The following LMTK3 variants were observed in gnomAD, a reference collection of about 807,000 sequenced individuals.
LMTK3 encodes serine/threonine-protein kinase LMTK3.
LMTK3 carries 27 observed loss-of-function variants against 116.7 expected under a neutral mutation model. The observed-to-expected ratio is 0.23, with a 90% CI of 0.17 to 0.32. The LOEUF is 0.32. LMTK3 is among the 10% of genes least tolerant of loss of function. The probability of loss-of-function intolerance (pLI) is 1.00; values close to 1 mark genes in which losing one functional copy is unlikely to be tolerated. For missense variants in LMTK3, 1,764 were observed against 2,068.5 expected (o/e 0.85, Z 2.86); for synonymous variants, 965 against 971.0 (o/e 0.99, Z 0.11).
chr19:48,486,458 G>A (rs773404224), intron 14 of LMTK3, among the ~76,000 whole-genome samples: 5 of 152,044 alleles, frequency 3.3e-5, no homozygotes, highest in Non-Finnish European at 7.4e-5. Context: ...ACCCCTGCAC[G>A]CTCATCTTTC....
Position 48,498,373 on chromosome 19 carries a change from T to G in LMTK3, c.2696A>C (p.Lys899Thr), listed in dbSNP as rs1367127738. The change falls in exon 11 of 15, where the codon AAA (lysine) becomes ACA (threonine). Residue 899 changes from lysine (K) to threonine (T), a missense_variant. By Grantham distance (78) the Lys-to-Thr change is moderately conservative. Transcript: ENST00000600059. ...CGGGTCCCTGTTCAGGCCCGGGACT[T>G]TCTCTCTGTTCCCGGGGCCTCTCCC... is the stretch of plus-strand genomic sequence containing the variant. ...KAGRGPGNREKVPGLNRDPTV... is the reference protein window; with the variant it reads ...KAGRGPGNRETVPGLNRDPTV... 3 of 1,612,596 alleles carry G rather than the reference T, an allele frequency of 1.9e-6. No individual in the cohort carries two copies. The highest frequency in any genetic ancestry group is 1.7e-5 in the Admixed American group (1 of 59,960).
At position 48,498,914 on chromosome 19, in the gene LMTK3, C is replaced by T. The variant is rs1404107935; in HGVS notation, c.2155G>A (p.Asp719Asn). The change falls in exon 11 of 15, where the codon GAC becomes AAC. Residue 719 changes from aspartate (D) to asparagine (N), a missense_variant. Asp to Asn is a conservative substitution (Grantham distance 23). Around this residue, in one of 7 missense-constraint regions of LMTK3, gnomAD observed 1,028 missense variants for 1,050.6 expected, o/e 0.98. Coordinates refer to ENST00000600059, the MANE Select transcript of LMTK3 (RefSeq NM_001388485.1). ...GAGGCGGGGGGGGCCATGGGCAAGT[C>T]GGCCAGGGAGCCCCGCTCTGCCCGC... ...SLRAERGSLA[D>N]LPMAPPASAP... The T allele has an allele frequency of 1.6e-6, 2 of 1,275,328 alleles. No individual in the cohort carries two copies. The highest frequency in any genetic ancestry group is 1.6e-5 in the African/African-American group (1 of 62,890). 79.0% of individuals were successfully genotyped at this position (1,275,328 alleles called of 1,614,324 possible).
In LMTK3 at chr19:48,508,938, G is replaced by T. The variant is rs957776215; in HGVS notation, c.470C>A (p.Thr157Asn). The change falls in exon 5 of 15, where the codon ACC becomes AAC. Residue 157 changes from threonine (T) to asparagine (N), a missense_variant. Thr to Asn is a moderately conservative substitution (Grantham distance 65). Coordinates refer to ENST00000600059, the MANE Select transcript of LMTK3 (RefSeq NM_001388485.1). ...CTCCTTCACCACCACCTGGGCGGGG[G>T]TGTAGTCGGAGAAAATCTCTCCCAG... ...VILGEIFSDY[T>N]PAQVVVKELR... is the part of the protein sequence containing the mutation. 1 of 1,611,910 alleles carries T rather than the reference G, an allele frequency of 6.2e-7. No homozygotes were observed. Among genetic ancestry groups the T allele is most frequent in the Non-Finnish European group, 8.5e-7 (1 of 1,178,916 alleles).
chr19:48,486,384 T>G (rs1972126014), intron 14 of LMTK3, among the ~76,000 whole-genome samples: 2 of 151,520 alleles, frequency 1.3e-5, no homozygotes, highest in Non-Finnish European at 2.9e-5. Context: ...CCTACGTGAC[T>G]CAGGCCCCAC....
intron 14 of LMTK3, 147 bp from the exon 15 acceptor site, chr19:48,485,936 T>G: frequency 2.6e-6 from 2 of 760,416 alleles, no homozygotes; most frequent in Non-Finnish European, 4.1e-6. Flanking sequence ...CCTACCCCTC[T>G]TCTCCCCTCT....
chr19:48,510,647 T>A, intron 1 of LMTK3, 55 bp from the exon 2 acceptor site: 1 of 1,483,262 alleles, frequency 6.7e-7, no homozygotes, highest in Non-Finnish European at 8.9e-7. Context: ...GATACCGGAA[T>A]CATGCCCCCT....
At position 48,485,720 on chromosome 19, in the gene LMTK3, T is replaced by C. The variant is rs959132058; in HGVS notation, c.*53A>G. On this transcript the variant is annotated 3_prime_UTR_variant, in exon 15 of 15. Coordinates refer to ENST00000600059, the MANE Select transcript of LMTK3 (RefSeq NM_001388485.1). ...CAGTGGCGCCGTCATCCACAGAGGA[T>C]TCCATTCTCAACCCCTCTTCTGAGG... The C allele has an allele frequency of 8.2e-6, 13 of 1,589,766 alleles. No individual in the cohort carries two copies. Among genetic ancestry groups the C allele is most frequent in the Non-Finnish European group, 1.0e-5 (12 of 1,165,106 alleles).
Position 48,485,782 on chromosome 19 carries a change from C to T in LMTK3, c.4374G>A (p.Val1458=), listed in dbSNP as rs768624211. Residue 1458 remains valine (V), a synonymous_variant, in exon 15 of 15, where the codon GTG becomes GTA. Transcript: ENST00000600059. ...TCGGGTCTTCGGGGAATCAATTCTC[C>T]ACGGGGCCTGAGGATGGACAGAGGA... ...RAPDARPAGP[V]EN 36 of 1,610,510 alleles carry T rather than the reference C, an allele frequency of 2.2e-5. No homozygotes were observed. The highest frequency in any genetic ancestry group is 4.0e-5 in the African/African-American group (3 of 74,772).
At position 48,500,956 on chromosome 19, in the gene LMTK3, G is replaced by A; in HGVS notation, c.1151+40C>T. 6.8e-7 allele frequency: 1 copy of A among 1,467,174 alleles called. No individual in the cohort carries two copies. The allele number at this position is 1,467,174 out of a possible 1,614,324, so 90.9% of individuals were successfully genotyped here. A position where few individuals can be genotyped will look rare whatever the true frequency, so the allele number is the denominator to read the frequency against. On this transcript the variant is annotated intron_variant, in intron 10 of 14. Transcript: ENST00000600059. This position sits in a 1 kb window ranked among gnomAD's most constrained non-coding sequence, Gnocchi z 4.0. Reference sequence around the variant, plus strand: ...GGGATGCTGGGACCATCCTGGGTGGGGTGCGGCAGGCCAGGAGCCCCGGGT... The same window carrying A: ...GGGATGCTGGGACCATCCTGGGTGGAGTGCGGCAGGCCAGGAGCCCCGGGT...
chr19:48,493,285 C>G (rs1022741429), intron 12 of LMTK3, among the ~76,000 whole-genome samples: 1 of 148,936 alleles, frequency 6.7e-6, no homozygotes, highest in Non-Finnish European at 1.5e-5. Flanking sequence ...GCCCCAGGCC[C>G]TGCACCTCTA....
rs1555901301 is a variant in LMTK3 at position 48,498,893 on chromosome 19, C to CG, written c.2175dup (p.Ala726ArgfsTer814). On this transcript the variant is annotated frameshift_variant, in exon 11 of 15. Coordinates refer to ENST00000600059, the MANE Select transcript of LMTK3 (RefSeq NM_001388485.1). LOFTEE classifies it high-confidence loss of function. Reference sequence around the variant, plus strand: ...TCCAGAAACTCGGGGGGGGCCGAGGCGGGGGGGGCCATGGGCAAGTCGGCC... The same window carrying CG: ...TCCAGAAACTCGGGGGGGGCCGAGGCGGGGGGGGGCCATGGGCAAGTCGGCC... 3.1e-4 allele frequency: 307 copies of CG among 1,001,012 alleles called. No homozygotes were observed. Among genetic ancestry groups the CG allele is most frequent in the Non-Finnish European group, 3.4e-4 (279 of 824,758 alleles). The allele number at this position is 1,001,012 out of a possible 1,614,324, so 62.0% of individuals were successfully genotyped here.
chr19:48,495,095 C>T (rs1601044816), intron 11 of LMTK3, among the ~76,000 whole-genome samples: 1 of 151,724 alleles, frequency 6.6e-6, no homozygotes, highest in Non-Finnish European at 1.5e-5. Context: ...TTGCAACCTC[C>T]GCCTCCTGAG....
chr19:48,508,764 G>A (rs768036132), intron 5 of LMTK3, 87 bp downstream of exon 5: 6 of 1,017,734 alleles, frequency 5.9e-6, no homozygotes, highest in Non-Finnish European at 9.4e-6. Context: ...GGAAGAGGTA[G>A]ATTCCAGGTG....
In LMTK3 at chr19:48,498,830, G is replaced by T; in HGVS notation, c.2239C>A (p.Arg747=). Residue 747 remains arginine (R), a synonymous_variant, in exon 11 of 15, where the codon CGG becomes AGG. Coordinates refer to ENST00000600059, the MANE Select transcript of LMTK3 (RefSeq NM_001388485.1). ...GGGGGGGGAGCGGGAGGTGGCCCCC[G>T]CCCGGGGTACTGGGGCGCCGCCGCC... is the stretch of plus-strand genomic sequence containing the variant. ...MGAAAPQYPG[R]GPPPAPPPPP... is the part of the protein sequence containing the mutation. 1.6e-6 allele frequency: 2 copies of T among 1,234,938 alleles called. No homozygotes were observed. Among genetic ancestry groups the T allele is most frequent in the Non-Finnish European group, 2.1e-6 (2 of 964,320 alleles). The allele number at this position is 1,234,938 out of a possible 1,614,324, so 76.5% of individuals were successfully genotyped here.
At position 48,491,424 on chromosome 19, in the gene LMTK3, G is replaced by A; in HGVS notation, c.4208C>T (p.Pro1403Leu). The A allele has an allele frequency of 7.0e-7, 1 of 1,423,602 alleles. No individual in the cohort carries two copies. Among genetic ancestry groups the A allele is most frequent in the Non-Finnish European group, 9.2e-7 (1 of 1,088,560 alleles). 88.2% of individuals were successfully genotyped at this position (1,423,602 alleles called of 1,614,324 possible). A position where few individuals can be genotyped will look rare whatever the true frequency, so the allele number is the denominator to read the frequency against. Reference sequence around the variant, plus strand: ...CTCACCAAAGCCGCTGTCGTTGCTGGGAAACCCATCTCCGGGGGTGGCGGG... The same window carrying A: ...CTCACCAAAGCCGCTGTCGTTGCTGAGAAACCCATCTCCGGGGGTGGCGGG... Reference protein sequence around the residue: ...PHPATPGDGFPSNDSGFGGSF... With the variant: ...PHPATPGDGFLSNDSGFGGSF... Residue 1403 changes from proline to leucine, a missense_variant, in exon 13 of 15, where the codon CCC becomes CTC. Coordinates refer to ENST00000600059, the MANE Select transcript of LMTK3 (RefSeq NM_001388485.1). This position sits in a 1 kb window ranked among gnomAD's most constrained non-coding sequence, Gnocchi z 5.1.
rs1195904058 is a variant in LMTK3 at position 48,509,497 on chromosome 19, C to T, written c.378G>A (p.Leu126=). The T allele has an allele frequency of 6.4e-7, 1 of 1,557,788 alleles. No homozygotes were observed. The highest frequency in any genetic ancestry group is 8.7e-7 in the Non-Finnish European group (1 of 1,149,866). ...QPSHSDMTTP[L]GLSRQHLSYL... ...AGCTCAGGTGCTGCCGGCTAAGGCC[C>T]AGGGGGGTGGTCATGTCTGGGGAGG... The change falls in exon 4 of 15, where the codon CTG becomes CTA. Residue 126 remains leucine, a synonymous_variant. Transcript: ENST00000600059.
chr19:48,498,915 G>T lies in LMTK3; in HGVS notation c.2154C>A (p.Ala718=), dbSNP rs1972399554. 1.6e-6 allele frequency: 2 copies of T among 1,286,728 alleles called. No individual in the cohort carries two copies. The highest frequency in any genetic ancestry group is 2.6e-5 in the South Asian group (1 of 38,882). 79.7% of individuals were successfully genotyped at this position (1,286,728 alleles called of 1,614,324 possible). Residue 718 remains alanine, a synonymous_variant, in exon 11 of 15, where the codon GCC becomes GCA. Transcript: ENST00000600059. The part of the protein sequence containing the change: ...SSLRAERGSL[A]DLPMAPPASA... ...AGGCGGGGGGGGCCATGGGCAAGTC[G>T]GCCAGGGAGCCCCGCTCTGCCCGCA... is the stretch of plus-strand genomic sequence containing the variant.
Position 48,494,655 on chromosome 19 carries a change from C to T in LMTK3, c.3677-546G>A, listed in dbSNP as rs922341086. On this transcript the variant is annotated intron_variant, in intron 11 of 14. Transcript: ENST00000600059. The surrounding 1 kb of genome is among the most constrained non-coding windows in gnomAD (Gnocchi z 4.0). ...GATCCACCTCTCTGAGCCTCTGTTT[C>T]CTCACTGGCAAATGAACAAGGGTCA... 6.6e-6 allele frequency among the ~76,000 whole-genome samples: 1 copy of T among 152,154 alleles called. No homozygotes were observed. Among genetic ancestry groups the T allele is most frequent in the East Asian group, 1.9e-4 (1 of 5,182 alleles).
chr19:48,501,416 A>G lies in LMTK3; in HGVS notation c.880-12T>C. 6.2e-7 allele frequency: 1 copy of G among 1,612,966 alleles called. No individual in the cohort carries two copies. Among genetic ancestry groups the G allele is most frequent in the Non-Finnish European group, 8.5e-7 (1 of 1,179,546 alleles). ...AGGTAGTAGTCCTCCTGAGGGAACCAGGGCGGTGTCAGGCGGGTCAGGGCA... is the reference window on the plus strand; with the variant it reads ...AGGTAGTAGTCCTCCTGAGGGAACCGGGGCGGTGTCAGGCGGGTCAGGGCA... On this transcript the variant is annotated splice_polypyrimidine_tract_variant and intron_variant, in intron 8 of 14. Coordinates refer to ENST00000600059, the MANE Select transcript of LMTK3 (RefSeq NM_001388485.1).
Sources: gnomAD v4.1 joint callset for allele counts (sites outside exome capture counted in the v4.1 genomes callset) on GRCh38, gnomAD v4.1.1 for gene constraint, gnomAD v4.1.1 regional missense constraint, Gnocchi (gnomAD v3.1) non-coding constraint, MANE v1.5 for transcripts, NCBI Gene and HGNC (gene_info 2026-07-23, HGNC 2026-07-21) for gene names.